The following CPNE8 variants were observed in gnomAD, a reference collection of about 807,000 sequenced individuals.
The protein encoded by CPNE8 is copine-8.
Under a neutral mutation model 81.5 loss-of-function variants are expected in CPNE8, and 45 were observed. The ratio of observed to expected loss-of-function variants is 0.55; its 90% CI spans 0.44 to 0.71. The LOEUF (loss-of-function observed/expected upper bound fraction) is 0.71. CPNE8 is among the 30% of genes least tolerant of loss of function. CPNE8 has a pLI of 0.00. For synonymous variants in CPNE8, 252 were observed against 226.3 expected (o/e 1.11, Z -1.02); for missense variants, 594 against 672.1 (o/e 0.88, Z 1.28).
At chr12:38,703,682 T>C (rs1940011600) in intron 13 of CPNE8, among the ~76,000 whole-genome samples, 1 of 152,136 alleles carries the variant, frequency 6.6e-6, no homozygotes. Context: ...CACCACTCGA[T>C]TCTATACCTA....
chr12:38,679,093 G>T (rs1038598304), intron 16 of CPNE8, among the ~76,000 whole-genome samples: 1 of 151,710 alleles, frequency 6.6e-6, no homozygotes, highest in South Asian at 2.1e-4. Flanking sequence ...CAGAAAGATA[G>T]GGTTTTATAT....
intron 19 of CPNE8, among the ~76,000 whole-genome samples, chr12:38,662,162 T>C (rs993453540): frequency 6.6e-6 from 1 of 152,098 alleles, no homozygotes; most frequent in African/African-American, 2.4e-5. Flanking sequence ...CCAGAGAAAT[T>C]AGGCAACAGA....
At chr12:38,784,952 T>C (rs1942144825) in intron 6 of CPNE8, among the ~76,000 whole-genome samples, 1 of 152,116 alleles carries the variant, frequency 6.6e-6, no homozygotes. Context: ...TCCAGCACTT[T>C]GGGAGGCTGA....
intron 6 of CPNE8, among the ~76,000 whole-genome samples, chr12:38,822,882 A>AT (rs775667048): frequency 1.3e-5 from 2 of 152,204 alleles, no homozygotes; most frequent in Non-Finnish European, 2.9e-5. Flanking sequence ...ACTGAAGTAA[A>AT]TTAGAGAGCA....
At chr12:38,682,072 T>C (rs1191678993) in intron 16 of CPNE8, among the ~76,000 whole-genome samples, 2 of 151,784 alleles carry the variant, frequency 1.3e-5, no homozygotes, top group Non-Finnish European at 2.9e-5. Flanking sequence ...ATACAAAAAT[T>C]AGCCAGGTGT....
intron 6 of CPNE8, among the ~76,000 whole-genome samples, chr12:38,825,841 G>T (rs118164159): frequency 6.6e-6 from 1 of 152,154 alleles, no homozygotes; most frequent in Non-Finnish European, 1.5e-5. Context: ...ACGTCACTAG[G>T]TGCCTTAATT....
chr12:38,852,659 G>C (rs764846066), intron 3 of CPNE8, among the ~76,000 whole-genome samples: 114 of 152,088 alleles, frequency 7.5e-4, no homozygotes, highest in Non-Finnish European at 1.1e-3. Context: ...AGTAAGCTTC[G>C]TGAAGGAACA....
chr12:38,796,935 C>T (rs895410914), intron 6 of CPNE8, among the ~76,000 whole-genome samples: 5 of 152,274 alleles, frequency 3.3e-5, no homozygotes, highest in South Asian at 2.1e-4. Context: ...CATGGAGTCT[C>T]GCTGATTGCT....
At chr12:38,762,897 C>A (rs539173734) in intron 8 of CPNE8, among the ~76,000 whole-genome samples, 1 of 152,292 alleles carries the variant, frequency 6.6e-6, no homozygotes, top group East Asian at 1.9e-4. Context: ...GAGTCTCTGT[C>A]GCCCAGGCTG....
chr12:38,817,931 C>G (rs1943054274), intron 6 of CPNE8, among the ~76,000 whole-genome samples: 1 of 151,974 alleles, frequency 6.6e-6, no homozygotes, highest in East Asian at 1.9e-4. Context: ...CCAATTTATT[C>G]ATTTTTTTGA....
chr12:38,765,174 C>T (rs1364326822), intron 8 of CPNE8, among the ~76,000 whole-genome samples: 1 of 152,156 alleles, frequency 6.6e-6, no homozygotes, highest in Non-Finnish European at 1.5e-5. Flanking sequence ...AGGAAAACCT[C>T]ACTGGTAAGA....
chr12:38,856,823 G>T (rs1048179986), intron 3 of CPNE8, among the ~76,000 whole-genome samples: 3 of 152,012 alleles, frequency 2.0e-5, no homozygotes, highest in Non-Finnish European at 4.4e-5. Flanking sequence ...AAAATTTTAG[G>T]CTGTGGTTTT....
chr12:38,689,948 C>A (rs1939637474), intron 15 of CPNE8, among the ~76,000 whole-genome samples: 2 of 152,142 alleles, frequency 1.3e-5, no homozygotes, highest in Non-Finnish European at 2.9e-5. Flanking sequence ...TTCTTCCTTT[C>A]CTCTCCCATT....
intron 19 of CPNE8, among the ~76,000 whole-genome samples, chr12:38,666,438 T>G (rs974019796): frequency 5.9e-5 from 9 of 152,240 alleles, no homozygotes; most frequent in South Asian, 2.1e-4. Context: ...ATGACCGGTA[T>G]TTTTAGGAAG....
At chr12:38,717,458 T>TATATATATATATATATATATA (rs1339046227) in intron 13 of CPNE8, among the ~76,000 whole-genome samples, 1 of 138,730 alleles carries the variant, frequency 7.2e-6, no homozygotes, top group Admixed American at 7.2e-5. Flanking sequence ...TATATATATA[T>TATATATATATATATATATATA]ACACCATGGA....
At chr12:38,808,345 G>C (rs530423220) in intron 6 of CPNE8, among the ~76,000 whole-genome samples, 2 of 152,010 alleles carry the variant, frequency 1.3e-5, no homozygotes, top group South Asian at 4.2e-4. Context: ...GCAAAGACTT[G>C]GAACAACCCA....
intron 6 of CPNE8, among the ~76,000 whole-genome samples, chr12:38,789,022 C>T (rs74927854): frequency 6.6e-6 from 1 of 151,664 alleles, no homozygotes; most frequent in African/African-American, 2.4e-5. Context: ...AAATGTGCAT[C>T]CTACCCTAAG....
intron 13 of CPNE8, among the ~76,000 whole-genome samples, chr12:38,722,872 C>A (rs826857): frequency 0.1 from 15,604 of 152,122 alleles, 1,012 homozygotes; most frequent in East Asian, 0.24. Context: ...TTCCCCCATG[C>A]TGTTCTCATG....
intron 15 of CPNE8, among the ~76,000 whole-genome samples, chr12:38,686,522 T>C (rs1274374354): frequency 6.6e-6 from 1 of 152,222 alleles, no homozygotes; most frequent in Non-Finnish European, 1.5e-5. Flanking sequence ...TCTATTGCTA[T>C]GTAACAAATT....
Sources: allele counts gnomAD v4.1 joint callset (sites outside exome capture counted in the v4.1 genomes callset), GRCh38; gene constraint gnomAD v4.1.1; transcripts MANE v1.5; gene names NCBI Gene and HGNC (gene_info 2026-07-23, HGNC 2026-07-21).